Variants in ALDH1A3 observed in about 807,000 individuals in gnomAD.
The protein encoded by ALDH1A3 is retinaldehyde dehydrogenase 3.
A neutral mutation model predicts 57.5 loss-of-function variants in ALDH1A3; 28 were observed. The observed-to-expected ratio is 0.49, with a 90% CI of 0.36 to 0.67. The LOEUF is 0.67. Among genes scored for constraint, ALDH1A3 ranks in the 30% least tolerant of loss-of-function variants. ALDH1A3 has a pLI of 0.00. For missense variants in ALDH1A3, 507 were observed against 669.4 expected (o/e 0.76, Z 2.68); for synonymous variants, 281 against 264.8 (o/e 1.06, Z -0.59).
chr15:100,895,663 GCATAT>G (rs2041694949), intron 6 of ALDH1A3: 2 of 513,828 alleles, frequency 3.9e-6, no homozygotes. Flanking sequence ...CATTTGCACT[GCATAT>G]CACTTTGGGA....
At chr15:100,902,091 TC>T (rs2041774983) in intron 9 of ALDH1A3, among the ~76,000 whole-genome samples, 1 of 152,220 alleles carries the variant, frequency 6.6e-6, no homozygotes, top group African/African-American at 2.4e-5. Context: ...TTAAAGCTAA[TC>T]CACAATCAGT....
At chr15:100,904,583 G>A (rs919095853) in intron 9 of ALDH1A3, among the ~76,000 whole-genome samples, 5 of 152,178 alleles carry the variant, frequency 3.3e-5, no homozygotes, top group Admixed American at 1.3e-4. Flanking sequence ...CAAAGAGGAG[G>A]GAGACCAGCC....
chr15:100,912,741 T>C (rs1463466460), intron 12 of ALDH1A3, among the ~76,000 whole-genome samples: 1 of 152,230 alleles, frequency 6.6e-6, no homozygotes, highest in Non-Finnish European at 1.5e-5. Flanking sequence ...GTGATGGTTT[T>C]CCTATTTGAT....
intron 9 of ALDH1A3, among the ~76,000 whole-genome samples, chr15:100,904,511 C>A (rs1236691314): frequency 1.3e-5 from 2 of 152,138 alleles, no homozygotes; most frequent in African/African-American, 4.8e-5. Flanking sequence ...TGGAATGAAA[C>A]CAGTTTTCCC....
At chr15:100,901,002 T>C (rs2041762129) in intron 9 of ALDH1A3, among the ~76,000 whole-genome samples, 1 of 152,156 alleles carries the variant, frequency 6.6e-6, no homozygotes, top group African/African-American at 2.4e-5. Context: ...CAGAAGGCCA[T>C]CTGCCTGAAC....
At chr15:100,910,050 C>T (rs890736226) in intron 12 of ALDH1A3, among the ~76,000 whole-genome samples, 5 of 152,196 alleles carry the variant, frequency 3.3e-5, no homozygotes, top group Non-Finnish European at 5.9e-5. Context: ...CTTAAAGATG[C>T]TGTGAAGGGA....
chr15:100,913,741 C>G (rs989887674), intron 12 of ALDH1A3: 1 of 152,236 alleles, frequency 6.6e-6, no homozygotes, highest in Non-Finnish European at 1.5e-5. Context: ...GCCTGAGAAT[C>G]TACATTTCTA....
Position 100,894,452 on chromosome 15 carries a change from G to A in ALDH1A3, c.666+370G>A, listed in dbSNP as rs532071310. 344 of 209,334 alleles carry A rather than the reference G, an allele frequency of 1.6e-3. 6 individuals carry two copies. In the South Asian group the frequency reaches 0.027, roughly 17 times the overall value. The allele number at this position is 209,334 out of a possible 1,614,324, so 13.0% of individuals were successfully genotyped here. On this transcript the variant is annotated intron_variant, in intron 6 of 12. Transcript: ENST00000329841. The surrounding 1 kb of genome is among the most constrained non-coding windows in gnomAD (Gnocchi z 4.5). ...TTTATGAAATGGTCCATTTTTCTCT[G>A]GAGAGGTGGCCTCGTCAGCTCTAGC...
At position 100,880,125 on chromosome 15, in the gene ALDH1A3, G is replaced by A. The variant is rs147134026; in HGVS notation, c.99+119G>A. 5 of 622,426 alleles carry A rather than the reference G, an allele frequency of 8.0e-6. No individual in the cohort carries two copies. In the African/African-American group the frequency reaches 9.6e-5, roughly 12 times the overall value. 38.6% of individuals were successfully genotyped at this position (622,426 alleles called of 1,614,324 possible). On this transcript the variant is annotated intron_variant, in intron 1 of 12. Coordinates refer to ENST00000329841, the MANE Select transcript of ALDH1A3 (RefSeq NM_000693.4). ...GGTCCGCCGGGCGCCGCCGAGACCC[G>A]AGCCTCCCTGCCCGGGCGCGGCTCT... is the stretch of plus-strand genomic sequence containing the variant.
rs1259648558 is a variant in ALDH1A3 at position 100,905,558 on chromosome 15, G to A, written c.1104G>A (p.Leu368=). The stretch of plus-strand genomic sequence containing the variant: ...AGCAGTTCGACAAAATCTTAGAGCT[G>A]ATCGAGAGTGGGAAGAAGGAAGGGG... The part of the protein sequence containing the change: ...DQKQFDKILE[L]IESGKKEGAK... Residue 368 remains leucine (L), a synonymous_variant, in exon 10 of 13, where the codon CTG becomes CTA. Coordinates refer to ENST00000329841, the MANE Select transcript of ALDH1A3 (RefSeq NM_000693.4). The A allele has an allele frequency of 6.2e-7, 1 of 1,614,064 alleles. No homozygotes were observed. The highest frequency in any genetic ancestry group is 8.5e-7 in the Non-Finnish European group (1 of 1,180,032).
intron 11 of ALDH1A3, 146 bp downstream of exon 11, chr15:100,907,424 C>G: frequency 1.0e-6 from 1 of 955,340 alleles, no homozygotes; most frequent in Non-Finnish European, 1.5e-6. Flanking sequence ...TCCTCATGAC[C>G]ATCTTCTGAG....
In ALDH1A3 at chr15:100,887,175, A is replaced by G. The variant is rs2041603356; in HGVS notation, c.205-397A>G. The stretch of plus-strand genomic sequence containing the variant: ...TCCCAGCCATTCAAGTGATTGAAAA[A>G]CATGCTGCTGCTTGCAGCCTGTCTG... On this transcript the variant is annotated intron_variant, in intron 2 of 12. Coordinates refer to ENST00000329841, the MANE Select transcript of ALDH1A3 (RefSeq NM_000693.4). This position sits in a 1 kb window ranked among gnomAD's most constrained non-coding sequence, Gnocchi z 4.6. Among the ~76,000 whole-genome samples the G allele has an allele frequency of 6.6e-6, 1 of 152,218 alleles. No homozygotes were observed. The highest frequency in any genetic ancestry group is 1.5e-5 in the Non-Finnish European group (1 of 68,026).
At chr15:100,908,335 C>CT (rs768700601) in intron 11 of ALDH1A3, 73 bp from the exon 12 acceptor site, 20 of 1,287,628 alleles carry the variant, frequency 1.6e-5, no homozygotes, top group Non-Finnish European at 2.1e-5. Context: ...GCACTGGGGG[C>CT]TAAGTGGCTG....
In ALDH1A3 at chr15:100,912,925, G is replaced by A. The variant is rs1438355280; in HGVS notation, c.1467-1776G>A. 1.7e-4 allele frequency among the ~76,000 whole-genome samples: 5 copies of A among 29,598 alleles called. 2 individuals are homozygous for A. Among genetic ancestry groups the A allele is most frequent in the African/African-American group, 3.4e-4 (3 of 8,812 alleles). 19.4% of individuals were successfully genotyped at this position (29,598 alleles called of 152,430 possible). On this transcript the variant is annotated intron_variant, in intron 12 of 12. Transcript: ENST00000329841. ...TGTAATCCCAGCACTTTGGGAGGCC[G>A]AGGCGGGCGGATCACGAGGTCAGGA... is the stretch of plus-strand genomic sequence containing the variant.
Position 100,916,136 on chromosome 15 carries a change from C to G in ALDH1A3, c.*1363C>G, listed in dbSNP as rs1259738679. 1 of 152,134 alleles carries G rather than the reference C, an allele frequency of 6.6e-6. No individual in the cohort carries two copies. 9.4% of individuals were successfully genotyped at this position (152,134 alleles called of 1,614,324 possible). On this transcript the variant is annotated 3_prime_UTR_variant, in exon 13 of 13. Transcript: ENST00000329841. ...CGTAACAGAACCAGTGTGTGTATAA[C>G]GAAAACCATGTATAAAATGGGCCTA...
At chr15:100,882,110 T>C (rs1175993440) in intron 1 of ALDH1A3, among the ~76,000 whole-genome samples, 1 of 152,180 alleles carries the variant, frequency 6.6e-6, no homozygotes, top group Non-Finnish European at 1.5e-5. Context: ...GAGCCAGCAG[T>C]GGTCTGCTAT....
intron 8 of ALDH1A3, 93 bp from the exon 9 acceptor site, chr15:100,900,482 G>T: frequency 1.7e-6 from 2 of 1,170,042 alleles, no homozygotes; most frequent in Non-Finnish European, 2.4e-6. Context: ...TTTCTTGTGT[G>T]GGCAATTAGA....
In ALDH1A3 at chr15:100,879,954, A is replaced by G; in HGVS notation, c.47A>G (p.Lys16Arg). The G allele has an allele frequency of 6.8e-7, 1 of 1,474,944 alleles. No homozygotes were observed. Among genetic ancestry groups the G allele is most frequent in the South Asian group, 1.3e-5 (1 of 77,418 alleles). The allele number at this position is 1,474,944 out of a possible 1,614,324, so 91.4% of individuals were successfully genotyped here. ...GAVENGQPDR[K>R]PPALPRPIRN... is the part of the protein sequence containing the mutation. ...GTGGAAAACGGGCAGCCGGACAGGA[A>G]GCCGCCGGCCCTGCCGCGCCCCATC... Residue 16 changes from lysine (K) to arginine (R), a missense_variant, in exon 1 of 13, where the codon AAG (lysine) becomes AGG (arginine). By Grantham distance (26) the Lys-to-Arg change is conservative (BLOSUM62 2). Transcript: ENST00000329841.
chr15:100,908,727 C>T (rs1044618595), intron 12 of ALDH1A3, among the ~76,000 whole-genome samples: 1 of 152,200 alleles, frequency 6.6e-6, no homozygotes, highest in African/African-American at 2.4e-5. Flanking sequence ...GCCCAGCAGC[C>T]ATCATGCTGG....
Sources: allele counts gnomAD v4.1 joint callset (sites outside exome capture counted in the v4.1 genomes callset), GRCh38; gene constraint gnomAD v4.1.1; non-coding constraint Gnocchi (gnomAD v3.1); transcripts MANE v1.5; gene names NCBI Gene and HGNC (gene_info 2026-07-23, HGNC 2026-07-21).